Variants in KLF17 observed in about 807,000 individuals in gnomAD.
KLF17 encodes the protein Krueppel-like factor 17.
A neutral mutation model predicts 34.2 loss-of-function variants in KLF17; 31 were observed. The observed-to-expected ratio is 0.91, with a 90% CI of 0.68 to 1.22. The LOEUF is 1.22. Ranked by LOEUF, KLF17 falls within the 50% of genes most tolerant of loss-of-function variation. The pLI, the probability that KLF17 is intolerant of heterozygous loss-of-function variation, is 0.00. For synonymous variants in KLF17, 179 were observed against 186.7 expected (o/e 0.96, Z 0.34); for missense variants, 478 against 505.2 (o/e 0.95, Z 0.52).
upstream of KLF17, chr1:44,117,410 T>C (rs1460924737): frequency 6.6e-6 from 1 of 151,934 alleles, no homozygotes; most frequent in Non-Finnish European, 1.5e-5. Context: ...AACACTGACA[T>C]CTCTTTCTTG....
chr1:44,070,297 G>A, the KLF17 span, among the ~76,000 whole-genome samples: 1 of 152,068 alleles, frequency 6.6e-6, no homozygotes, highest in East Asian at 1.9e-4. Flanking sequence ...CATCACTGGA[G>A]TAACATACAT....
the KLF17 span, among the ~76,000 whole-genome samples, chr1:44,086,445 A>T: frequency 2.0e-4 from 30 of 152,042 alleles, no homozygotes; most frequent in Non-Finnish European, 4.0e-4. Context: ...CAGCCTGGGC[A>T]ACAAGAGTGA....
At chr1:44,121,113 T>C (rs980442300) in intron 1 of KLF17, among the ~76,000 whole-genome samples, 1 of 152,120 alleles carries the variant, frequency 6.6e-6, no homozygotes, top group Non-Finnish European at 1.5e-5. Context: ...CAAAATTGTA[T>C]ATATATATAC....
chr1:44,077,127 T>C, the KLF17 span, among the ~76,000 whole-genome samples: 3 of 151,426 alleles, frequency 2.0e-5, no homozygotes, highest in Non-Finnish European at 4.4e-5. Flanking sequence ...GGCAGATTAG[T>C]TTAGATCAGG....
Position 44,130,588 on chromosome 1 carries a change from G to T in KLF17, c.1002G>T (p.Met334Ile). The T allele has an allele frequency of 2.5e-6, 4 of 1,614,104 alleles. No homozygotes were observed. Among genetic ancestry groups the T allele is most frequent in the Non-Finnish European group, 3.4e-6 (4 of 1,180,024 alleles). The change falls in exon 3 of 4, where the codon ATG becomes ATT. Residue 334 changes from methionine (M) to isoleucine (I), a missense_variant. Physicochemically the swap from Met to Ile is conservative, Grantham distance 10 (BLOSUM62 1). Coordinates refer to ENST00000372299, the MANE Select transcript of KLF17 (RefSeq NM_173484.4). ...FFRSDELRRHMRVHTRYRPYK... is the reference protein window; with the variant it reads ...FFRSDELRRHIRVHTRYRPYK... ...GTTCTGATGAGCTTAGACGACATAT[G>T]CGGGTACACACCAGATATCGACCAT...
chr1:44,130,848 G>A, intron 3 of KLF17, 92 bp downstream of exon 3: 1 of 1,291,854 alleles, frequency 7.7e-7, no homozygotes, highest in Non-Finnish European at 1.1e-6. Context: ...CCAGGCTGGA[G>A]TGCAGTGGCG....
intron 1 of KLF17, among the ~76,000 whole-genome samples, chr1:44,120,087 T>C (rs1013706364): frequency 1.3e-5 from 2 of 152,310 alleles, no homozygotes; most frequent in South Asian, 2.1e-4. Context: ...ACAGATTTCT[T>C]GCTTGCACAA....
chr1:44,080,428 C>T, the KLF17 span, among the ~76,000 whole-genome samples: 14 of 150,486 alleles, frequency 9.3e-5, no homozygotes, highest in South Asian at 6.3e-4. Flanking sequence ...TTAGTAGAGA[C>T]GGGGTTTCAC....
At chr1:44,102,467 C>G in the KLF17 span, among the ~76,000 whole-genome samples, 1 of 151,678 alleles carries the variant, frequency 6.6e-6, no homozygotes, top group Non-Finnish European at 1.5e-5. Context: ...GCAGGAGAAT[C>G]GCTTGAACCC....
At chr1:44,099,632 G>T in the KLF17 span, among the ~76,000 whole-genome samples, 7 of 151,304 alleles carry the variant, frequency 4.6e-5, no homozygotes, top group Non-Finnish European at 8.8e-5. Context: ...TGGCCAACAT[G>T]GTTAAACCCC....
chr1:44,104,789 A>T, the KLF17 span: 1 of 220,314 alleles, frequency 4.5e-6, no homozygotes, highest in African/African-American at 2.3e-5. Flanking sequence ...TATTTATACG[A>T]TGGAAACTAT....
At chr1:44,111,009 C>G in the KLF17 span, among the ~76,000 whole-genome samples, 6 of 151,674 alleles carry the variant, frequency 4.0e-5, no homozygotes, top group Admixed American at 2.0e-4. Context: ...TTTTTTGAGA[C>G]AAGGTCTCTC....
chr1:44,071,511 G>T, the KLF17 span, among the ~76,000 whole-genome samples: 2 of 152,056 alleles, frequency 1.3e-5, no homozygotes, highest in Non-Finnish European at 2.9e-5. Context: ...TCAGTGAGAA[G>T]CATCTTCATC....
At chr1:44,124,277 T>C (rs1011954435) in intron 1 of KLF17, among the ~76,000 whole-genome samples, 6 of 151,762 alleles carry the variant, frequency 4.0e-5, no homozygotes, top group African/African-American at 1.2e-4. Context: ...TTGTTTGATT[T>C]TTTTTTTTGT....
chr1:44,130,724 G>A lies in KLF17; in HGVS notation c.1138G>A (p.Glu380Lys), dbSNP rs769578320. The stretch of plus-strand genomic sequence containing the variant: ...CCCACAGGCCAACAACAACAATGGA[G>A]AGCAGGACAGTCCTCCTGCTGCTGG... ...SDPQANNNNGEQDSPPAAGP is the reference protein window; with the variant it reads ...SDPQANNNNGKQDSPPAAGP The change falls in exon 3 of 4, where the codon GAG (glutamate) becomes AAG (lysine). Residue 380 changes from glutamate to lysine, a missense_variant. Physicochemically the swap from Glu to Lys is moderately conservative, Grantham distance 56. Coordinates refer to ENST00000372299, the MANE Select transcript of KLF17 (RefSeq NM_173484.4). 1.9e-6 allele frequency: 3 copies of A among 1,614,044 alleles called. No individual in the cohort carries two copies. The highest frequency in any genetic ancestry group is 8.5e-7 in the Non-Finnish European group (1 of 1,179,934).
chr1:44,092,562 A>G, the KLF17 span, among the ~76,000 whole-genome samples: 1 of 152,158 alleles, frequency 6.6e-6, no homozygotes, highest in African/African-American at 2.4e-5. Context: ...AAATGCTGTA[A>G]CACAACACAC....
At chr1:44,048,162 T>A in the KLF17 span, 2 of 151,982 alleles carry the variant, frequency 1.3e-5, no homozygotes, top group Non-Finnish European at 2.9e-5. Context: ...CCCAGAGAGA[T>A]GAAAAAATGT....
At position 44,119,006 on chromosome 1, in the gene KLF17, C is replaced by T. The variant is rs1416099278; in HGVS notation, c.81+18C>T. On this transcript the variant is annotated intron_variant, in intron 1 of 3. Transcript: ENST00000372299. The stretch of plus-strand genomic sequence containing the variant: ...CTGCCCAGGTGAGTCAGGTGCCAGC[C>T]CCTGGCAGGCCGGGCGGGCCCAGGC... The T allele has an allele frequency of 2.5e-6, 4 of 1,589,956 alleles. No individual in the cohort carries two copies. The highest frequency in any genetic ancestry group is 2.7e-5 in the African/African-American group (2 of 74,260).
chr1:44,120,790 T>A (rs1277632991), intron 1 of KLF17, among the ~76,000 whole-genome samples: 1 of 152,214 alleles, frequency 6.6e-6, no homozygotes, highest in Admixed American at 6.5e-5. Context: ...ATTATATGTC[T>A]GTCTTATGCT....
Sources: allele counts gnomAD v4.1 joint callset (sites outside exome capture counted in the v4.1 genomes callset), GRCh38; gene constraint gnomAD v4.1.1; transcripts MANE v1.5; gene names NCBI Gene and HGNC (gene_info 2026-07-23, HGNC 2026-07-21).